Variants in PARD3B observed in about 807,000 individuals in gnomAD.
The protein encoded by PARD3B is partitioning defective 3 homolog B.
In PARD3B, 103 loss-of-function variants were observed where a neutral mutation model predicts 130.2. The ratio of observed to expected loss-of-function variants is 0.79; its 90% CI spans 0.67 to 0.93. The LOEUF (loss-of-function observed/expected upper bound fraction) is 0.93. Among genes scored for constraint, PARD3B ranks in the 40% least tolerant of loss-of-function variants. The pLI is 0.00. For synonymous variants in PARD3B, 583 were observed against 553.2 expected, an observed-to-expected ratio of 1.05 and a Z score of -0.76; for missense variants, 1,609 against 1,499.2, an observed-to-expected ratio of 1.07 and a Z score of -1.21.
At chr2:205,493,359 T>C (rs1575157367) in intron 20 of PARD3B, among the ~76,000 whole-genome samples, 2 of 152,116 alleles carry the variant, frequency 1.3e-5, no homozygotes, top group Non-Finnish European at 2.9e-5. Flanking sequence ...AGGAAAATAA[T>C]AGTATCTTGG....
intron 16 of PARD3B, among the ~76,000 whole-genome samples, chr2:205,296,048 A>G (rs2041779346): frequency 6.6e-6 from 1 of 152,186 alleles, no homozygotes; most frequent in South Asian, 2.1e-4. Context: ...TCAATGATGG[A>G]TTGAACCAAA....
chr2:205,029,436 G>A (rs2125356234), intron 3 of PARD3B, among the ~76,000 whole-genome samples: 1 of 152,242 alleles, frequency 6.6e-6, no homozygotes, highest in East Asian at 1.9e-4. Context: ...TCTTTGGAGG[G>A]AGTCCATTTT....
chr2:204,853,883 C>G (rs2044811490), intron 2 of PARD3B, among the ~76,000 whole-genome samples: 1 of 151,904 alleles, frequency 6.6e-6, no homozygotes, highest in Non-Finnish European at 1.5e-5. Flanking sequence ...GTGGTAAATG[C>G]TAGGTAGAAA....
intron 1 of PARD3B, among the ~76,000 whole-genome samples, chr2:204,679,707 T>C (rs2036731324): frequency 6.6e-6 from 1 of 152,122 alleles, no homozygotes. Context: ...TTTCTTTGTT[T>C]AGTTATTGGT....
intron 3 of PARD3B, among the ~76,000 whole-genome samples, chr2:204,988,062 G>C (rs376671550): frequency 5.1e-4 from 77 of 152,246 alleles, no homozygotes; most frequent in Non-Finnish European, 9.1e-4. Context: ...TCACATTGCA[G>C]GAGGAGGATG....
intron 1 of PARD3B, among the ~76,000 whole-genome samples, chr2:204,611,385 T>G (rs1235634212): frequency 6.6e-6 from 1 of 152,226 alleles, no homozygotes; most frequent in East Asian, 1.9e-4. Context: ...AATAATGCTA[T>G]GTACAGCAGC....
chr2:204,606,039 G>A lies in PARD3B; in HGVS notation c.120+59920G>A, dbSNP rs1231933141. 6.6e-6 allele frequency among the ~76,000 whole-genome samples: 1 copy of A among 152,110 alleles called. No individual in the cohort carries two copies. Among genetic ancestry groups the A allele is most frequent in the Admixed American group, 6.6e-5 (1 of 15,254 alleles). On this transcript the variant is annotated intron_variant, in intron 1 of 22. Coordinates refer to ENST00000406610, the MANE Select transcript of PARD3B (RefSeq NM_001302769.2). This position sits in a 1 kb window ranked among gnomAD's most constrained non-coding sequence, Gnocchi z 4.0. ...TCTCTCCCTCTCTCCATTGGGACAT[G>A]ATATTACCAAGAAGTGCTTTAGAGG...
chr2:205,360,265 G>GT (rs77424212), intron 18 of PARD3B, among the ~76,000 whole-genome samples: 90,464 of 151,458 alleles, frequency 0.6, 30,413 homozygotes, highest in South Asian at 0.77. Context: ...TTTTTCTTTT[G>GT]TTTTTTTCCT....
chr2:204,892,744 GA>G (rs2046496348), intron 2 of PARD3B, among the ~76,000 whole-genome samples: 1 of 152,162 alleles, frequency 6.6e-6, no homozygotes, highest in Admixed American at 6.5e-5. Context: ...TGATGGATTA[GA>G]TGTGGGGAAA....
At chr2:204,769,586 C>A (rs1457902060) in intron 2 of PARD3B, among the ~76,000 whole-genome samples, 1 of 49,894 alleles carries the variant, frequency 2.0e-5, no homozygotes, top group Non-Finnish European at 3.2e-5. Context: ...GGTAGCAGTT[C>A]CTCCTTGTAC....
chr2:205,249,006 G>GTTTTTTTTTTTTTTTTTTTTTTTTTT (rs10707308), intron 16 of PARD3B, among the ~76,000 whole-genome samples: 1 of 95,084 alleles, frequency 1.1e-5, no homozygotes, highest in African/African-American at 4.7e-5. Flanking sequence ...TAAAATAAGA[G>GTTTTTTTTTTTTTTTTTTTTTTTTTT]TTTTTTTTTT....
rs561854466 is a variant in PARD3B, at chr2:204,588,510, G to T, written c.120+42391G>T. Among the ~76,000 whole-genome samples the T allele has an allele frequency of 2.0e-5, 3 of 152,214 alleles. No homozygotes were observed. The East Asian group carries it at 5.8e-4, about 29-fold the overall frequency. ...TTTGATATGCAAATATTTCCATTGG[G>T]CTTTTGGTTTCTTTTACAGTTTTCC... On this transcript the variant is annotated intron_variant, in intron 1 of 22. Transcript: ENST00000406610.
At chr2:205,343,837 C>A (rs1285264145) in intron 18 of PARD3B, among the ~76,000 whole-genome samples, 1 of 152,016 alleles carries the variant, frequency 6.6e-6, no homozygotes, top group African/African-American at 2.4e-5. Context: ...CCTCCACCCT[C>A]ACCCCCTATG....
chr2:204,990,895 G>C (rs1278848633), intron 3 of PARD3B, among the ~76,000 whole-genome samples: 1 of 152,010 alleles, frequency 6.6e-6, no homozygotes, highest in Non-Finnish European at 1.5e-5. Flanking sequence ...TTAGCATATG[G>C]TGTGAGATAG....
chr2:204,837,609 C>T (rs1575105174), intron 2 of PARD3B, among the ~76,000 whole-genome samples: 1 of 151,684 alleles, frequency 6.6e-6, no homozygotes, highest in African/African-American at 2.4e-5. Flanking sequence ...GAGGGCTTTC[C>T]CTGAGTGTAT....
chr2:205,165,802 G>A (rs2034780871), intron 11 of PARD3B, among the ~76,000 whole-genome samples: 1 of 151,994 alleles, frequency 6.6e-6, no homozygotes, highest in South Asian at 2.1e-4. Context: ...GTGATTTGCT[G>A]CTGGGACTTC....
rs543200074 is a variant in PARD3B, at chr2:204,740,184, T to G, written c.222+53902T>G. On this transcript the variant is annotated intron_variant, in intron 2 of 22. Transcript: ENST00000406610. ...GTGCTATCATGCCTGGCTAATCTTT[T>G]TTTTTTTTTAGTTTTTAGTAGAGAC... 5.3e-5 allele frequency among the ~76,000 whole-genome samples: 8 copies of G among 151,950 alleles called. No homozygotes were observed. The South Asian group carries it at 1.7e-3, about 32-fold the overall frequency.
At chr2:204,911,696 A>G (rs538500321) in intron 2 of PARD3B, among the ~76,000 whole-genome samples, 45 of 152,332 alleles carry the variant, frequency 3.0e-4, no homozygotes, top group Admixed American at 7.8e-4. Context: ...CAGGGTCAAC[A>G]GAAGGTCACA....
intron 21 of PARD3B, among the ~76,000 whole-genome samples, chr2:205,548,378 C>T (rs2052468814): frequency 6.6e-6 from 1 of 152,112 alleles, no homozygotes; most frequent in Non-Finnish European, 1.5e-5. Flanking sequence ...TCTAGATATT[C>T]CCTCCTCCCA....
Sources: gnomAD v4.1 joint callset for allele counts (sites outside exome capture counted in the v4.1 genomes callset) on GRCh38, gnomAD v4.1.1 for gene constraint, Gnocchi (gnomAD v3.1) non-coding constraint, MANE v1.5 for transcripts, NCBI Gene and HGNC (gene_info 2026-07-23, HGNC 2026-07-21) for gene names.